TRIM14: variants seen among roughly 807,000 people sequenced by gnomAD.
TRIM14 encodes the protein tripartite motif-containing protein 14.
A neutral mutation model predicts 44.5 loss-of-function variants in TRIM14; 28 were observed. The ratio of observed to expected loss-of-function variants is 0.63; its 90% CI spans 0.47 to 0.86. The LOEUF (loss-of-function observed/expected upper bound fraction) is 0.86, where lower values mean the gene tolerates loss of function less well. TRIM14 is among the 40% of genes least tolerant of loss of function. The probability of loss-of-function intolerance (pLI) is 0.00; values close to 1 mark genes in which losing one functional copy is unlikely to be tolerated. For missense variants in TRIM14, 607 were observed against 611.1 expected, an observed-to-expected ratio of 0.99 and a Z score of 0.07; for synonymous variants, 299 against 269.2, an observed-to-expected ratio of 1.11 and a Z score of -1.08.
At chr9:98,053,353 T>G in the TRIM14 span, among the ~76,000 whole-genome samples, 1 of 152,162 alleles carries the variant, frequency 6.6e-6, no homozygotes, top group Non-Finnish European at 1.5e-5. Context: ...CAAGGTTAAG[T>G]TCAAGGACAT....
At chr9:98,075,295 A>C (rs1829531538) in intron 6 of TRIM14, 1 of 150,858 alleles carries the variant, frequency 6.6e-6, no homozygotes, top group African/African-American at 2.5e-5. Flanking sequence ...ACCACAAAAG[A>C]AAAGAAAAAG....
At chr9:98,042,308 A>G in the TRIM14 span, among the ~76,000 whole-genome samples, 1 of 151,726 alleles carries the variant, frequency 6.6e-6, no homozygotes, top group Non-Finnish European at 1.5e-5. Flanking sequence ...AAAAAAAAAA[A>G]AAAGTTTTCC....
the TRIM14 span, among the ~76,000 whole-genome samples, chr9:98,057,721 G>T: frequency 2.6e-5 from 4 of 151,902 alleles, no homozygotes; most frequent in Non-Finnish European, 5.9e-5. Flanking sequence ...CATAAGGCCT[G>T]GCCTGCACTA....
chr9:98,083,037 C>CA (rs34624194), downstream of TRIM14: 2 of 1,613,224 alleles, frequency 1.2e-6, no homozygotes, highest in South Asian at 1.1e-5. Context: ...ATAATCATGG[C>CA]AAAAAAATCA....
the TRIM14 span, among the ~76,000 whole-genome samples, chr9:98,039,408 G>T: frequency 6.6e-6 from 1 of 152,184 alleles, no homozygotes; most frequent in Non-Finnish European, 1.5e-5. Context: ...GGCGTAGGCT[G>T]AACTAACTTT....
chr9:98,109,805 T>C, intron 2 of TRIM14, 84 bp downstream of exon 2: 1 of 1,141,804 alleles, frequency 8.8e-7, no homozygotes, highest in Non-Finnish European at 1.3e-6. Flanking sequence ...GTTTTTATTT[T>C]CATTGGCTCC....
chr9:98,056,929 CG>C, the TRIM14 span: 1 of 1,599,750 alleles, frequency 6.3e-7, no homozygotes, highest in Non-Finnish European at 8.5e-7. Flanking sequence ...GCGCATGATC[CG>C]CATGGCCAAG....
chr9:98,092,353 G>C, intron 4 of TRIM14: 5 of 206,948 alleles, frequency 2.4e-5, no homozygotes, highest in East Asian at 1.3e-4. Context: ...AAGGAGGGGA[G>C]TCTATCCCAA....
At position 98,110,848 on chromosome 9, in the gene TRIM14, AAAAAT is replaced by A. The variant is rs58660734; in HGVS notation, c.208-869_208-865del. Among the ~76,000 whole-genome samples the A allele has an allele frequency of 5.6e-3, 728 of 130,570 alleles. 2 individuals carry two copies. The highest frequency in any genetic ancestry group is 0.02 in the African/African-American group (589 of 29,886). 85.7% of individuals were successfully genotyped at this position (130,570 alleles called of 152,430 possible). A position where few individuals can be genotyped will look rare whatever the true frequency, so the allele number is the denominator to read the frequency against. The stretch of plus-strand genomic sequence containing the variant: ...ATAGTGAGACTCTGCCTCTACCACA[AAAAAT>A]AAAATAAAATAAAATAAAATAAAAT... On this transcript the variant is annotated intron_variant, in intron 1 of 5. Coordinates refer to ENST00000341469, the MANE Select transcript of TRIM14 (RefSeq NM_014788.4).
rs1232945072 is a variant in TRIM14 at position 98,106,150 on chromosome 9, G to C, written c.303+3739C>G. ...TATGGTAAATAGCTACTGGAGACAA[G>C]ATGATAATACACGTGACAAACCACA... On this transcript the variant is annotated intron_variant, in intron 2 of 5. Coordinates refer to ENST00000341469, the MANE Select transcript of TRIM14 (RefSeq NM_014788.4). 2.0e-5 allele frequency among the ~76,000 whole-genome samples: 3 copies of C among 152,262 alleles called. No individual in the cohort carries two copies. In the East Asian group the frequency reaches 5.8e-4, roughly 29 times the overall value.
intron 6 of TRIM14, among the ~76,000 whole-genome samples, chr9:98,078,836 GA>G (rs11424970): frequency 0.032 from 3,936 of 122,982 alleles, 78 homozygotes; most frequent in Middle Eastern, 0.055. Flanking sequence ...CTCTCAGGGG[GA>G]AAAAAAAAAA....
At chr9:98,080,708 C>T, downstream of TRIM14, 1 of 1,281,878 alleles carries the variant, frequency 7.8e-7, no homozygotes, top group South Asian at 1.5e-5. Flanking sequence ...CCCCTGGCTG[C>T]ACAGCTAGTG....
At chr9:98,051,314 A>G in the TRIM14 span, among the ~76,000 whole-genome samples, 838 of 152,252 alleles carry the variant, frequency 5.5e-3, 8 homozygotes, top group African/African-American at 0.019. Context: ...TGAAGAGTCT[A>G]CTCGCTTAAC....
At chr9:98,093,095 C>G (rs188496250) in intron 4 of TRIM14, among the ~76,000 whole-genome samples, 3 of 152,142 alleles carry the variant, frequency 2.0e-5, no homozygotes, top group African/African-American at 7.2e-5. Context: ...CACTTCATTC[C>G]CTCCAGTCCT....
chr9:98,108,798 C>T (rs981255765), intron 2 of TRIM14, among the ~76,000 whole-genome samples: 1 of 151,632 alleles, frequency 6.6e-6, no homozygotes, highest in Non-Finnish European at 1.5e-5. Context: ...TGTGGCCTGG[C>T]CTGGTCACAG....
At chr9:98,048,365 T>C in the TRIM14 span, among the ~76,000 whole-genome samples, 1 of 152,176 alleles carries the variant, frequency 6.6e-6, no homozygotes, top group African/African-American at 2.4e-5. Context: ...GGCTCCACTC[T>C]AAAGCCAGTA....
At chr9:98,067,526 C>T (rs1403534538), downstream of TRIM14, among the ~76,000 whole-genome samples, 1 of 152,092 alleles carries the variant, frequency 6.6e-6, no homozygotes, top group East Asian at 1.9e-4. Flanking sequence ...TGCATATCTT[C>T]TTTGGAAGAA....
At chr9:98,070,560 A>G (rs1829295148) in intron 6 of TRIM14, among the ~76,000 whole-genome samples, 1 of 151,884 alleles carries the variant, frequency 6.6e-6, no homozygotes, top group Non-Finnish European at 1.5e-5. Context: ...AGCTAGGATT[A>G]TAGGTACCCG....
intron 1 of TRIM14, chr9:98,116,170 T>G (rs988266067): frequency 6.6e-6 from 1 of 151,934 alleles, no homozygotes; most frequent in Non-Finnish European, 1.5e-5. Flanking sequence ...GGAGTGGTGG[T>G]GCACACCTGT....
Sources: allele counts gnomAD v4.1 joint callset (sites outside exome capture counted in the v4.1 genomes callset), GRCh38; gene constraint gnomAD v4.1.1; transcripts MANE v1.5; gene names NCBI Gene and HGNC (gene_info 2026-07-23, HGNC 2026-07-21).